Variants in PARD6G observed in about 807,000 individuals in gnomAD.
PARD6G encodes the protein partitioning defective 6 homolog gamma.
Under a neutral mutation model 10.7 loss-of-function variants are expected in PARD6G, and 7 were observed. The observed-to-expected ratio is 0.66, with a 90% CI of 0.37 to 1.23. PARD6G has a LOEUF of 1.23. PARD6G is among the 50% of genes most tolerant of loss of function. PARD6G has a pLI of 0.02. For missense variants in PARD6G, 548 were observed against 571.8 expected (o/e 0.96, Z 0.42); for synonymous variants, 287 against 269.4 (o/e 1.07, Z -0.64).
At chr18:80,179,197 G>T (rs569165385) in intron 2 of PARD6G, among the ~76,000 whole-genome samples, 141 of 151,630 alleles carry the variant, frequency 9.3e-4, no homozygotes, top group African/African-American at 3.3e-3. Context: ...ACCTTCACAG[G>T]AAGGGCCTGA....
chr18:80,177,858 C>A (rs1481476206), intron 2 of PARD6G, among the ~76,000 whole-genome samples: 1 of 151,128 alleles, frequency 6.6e-6, no homozygotes, highest in Non-Finnish European at 1.5e-5. Context: ...ACGGGAAGCA[C>A]ACACATGTGC....
Position 80,182,062 on chromosome 18 carries a change from C to G in PARD6G, c.295+20648G>C, listed in dbSNP as rs181419005. Among the ~76,000 whole-genome samples, 423 of 152,324 alleles carry G rather than the reference C, an allele frequency of 2.8e-3. 2 individuals are homozygous for G. Among genetic ancestry groups the G allele is most frequent in the South Asian group, 5.4e-3 (26 of 4,830 alleles). On this transcript the variant is annotated intron_variant, in intron 2 of 2. Transcript: ENST00000353265. The surrounding 1 kb of genome is among the most constrained non-coding windows in gnomAD (Gnocchi z 4.5). The stretch of plus-strand genomic sequence containing the variant: ...GAAACTGAGGCAGAAAGCAGGGAAG[C>G]AACACAGCTGGGTAGGGCCCAGCAG...
Position 80,231,040 on chromosome 18 carries a change from C to A in PARD6G, c.72+16237G>T, listed in dbSNP as rs1173783227. Reference sequence around the variant, plus strand: ...AGCTACAGTGATGGGAGAGAGAATTCCAAATGGAAGGTCAGGGACAAGGGG... The same window carrying A: ...AGCTACAGTGATGGGAGAGAGAATTACAAATGGAAGGTCAGGGACAAGGGG... On this transcript the variant is annotated intron_variant, in intron 1 of 2. Transcript: ENST00000353265. The surrounding 1 kb of genome is among the most constrained non-coding windows in gnomAD (Gnocchi z 4.2). Among the ~76,000 whole-genome samples the A allele has an allele frequency of 6.6e-6, 1 of 152,110 alleles. No individual in the cohort carries two copies. Among genetic ancestry groups the A allele is most frequent in the Non-Finnish European group, 1.5e-5 (1 of 68,024 alleles).
chr18:80,199,239 T>C (rs1053420148), intron 2 of PARD6G, among the ~76,000 whole-genome samples: 3 of 152,356 alleles, frequency 2.0e-5, no homozygotes, highest in African/African-American at 2.4e-5. Context: ...CCTTGAATAA[T>C]GAGAATCAAC....
At chr18:80,199,305 A>G (rs1255422925) in intron 2 of PARD6G, among the ~76,000 whole-genome samples, 1 of 152,136 alleles carries the variant, frequency 6.6e-6, no homozygotes, top group Non-Finnish European at 1.5e-5. Flanking sequence ...CTCACTCTTA[A>G]ACATACGGTT....
chr18:80,237,787 C>T (rs1292795676), intron 1 of PARD6G, among the ~76,000 whole-genome samples: 1 of 152,096 alleles, frequency 6.6e-6, no homozygotes, highest in Non-Finnish European at 1.5e-5. Context: ...CAAATCAAAA[C>T]CACAATGAGA....
At chr18:80,203,037 C>T in intron 1 of PARD6G, 105 bp from the exon 2 acceptor site, 1 of 729,530 alleles carries the variant, frequency 1.4e-6, no homozygotes, top group Non-Finnish European at 2.4e-6. Flanking sequence ...TATTTACATT[C>T]CACATTTTCT....
intron 1 of PARD6G, among the ~76,000 whole-genome samples, chr18:80,219,717 C>T (rs1967209373): frequency 1.3e-5 from 2 of 152,166 alleles, no homozygotes; most frequent in Non-Finnish European, 2.9e-5. Flanking sequence ...CAGTTCCCAA[C>T]AAGTTCCTAA....
chr18:80,247,132 C>A lies in PARD6G; in HGVS notation c.72+145G>T, dbSNP rs1967561448. ...ACGGCCGGGGTCCCCAGTGCGCGTC[C>A]CGCGGAGCGGCGCGCGGCGCCCGAA... On this transcript the variant is annotated intron_variant, in intron 1 of 2. Coordinates refer to ENST00000353265, the MANE Select transcript of PARD6G (RefSeq NM_032510.4). The surrounding 1 kb of genome is among the most constrained non-coding windows in gnomAD (Gnocchi z 4.2). The A allele has an allele frequency of 7.6e-6, 4 of 524,396 alleles. No individual in the cohort carries two copies. The highest frequency in any genetic ancestry group is 4.4e-5 in the Admixed American group (1 of 22,494). The allele number at this position is 524,396 out of a possible 1,614,324, so 32.5% of individuals were successfully genotyped here.
At chr18:80,227,058 C>T (rs1967300281) in intron 1 of PARD6G, among the ~76,000 whole-genome samples, 1 of 152,148 alleles carries the variant, frequency 6.6e-6, no homozygotes, top group Admixed American at 6.5e-5. Flanking sequence ...CAGGCTCTAG[C>T]AATCCTCCCA....
chr18:80,228,049 T>C lies in PARD6G; in HGVS notation c.72+19228A>G, dbSNP rs968397186. Among the ~76,000 whole-genome samples the C allele has an allele frequency of 6.6e-6, 1 of 152,148 alleles. No individual in the cohort carries two copies. On this transcript the variant is annotated intron_variant, in intron 1 of 2. Transcript: ENST00000353265. This position sits in a 1 kb window ranked among gnomAD's most constrained non-coding sequence, Gnocchi z 4.6. Reference sequence around the variant, plus strand: ...TGGGCTGAACGGTGAAAGAAAAATATGGTCTCCATTTTATCCCCAAGAGAG... The same window carrying C: ...TGGGCTGAACGGTGAAAGAAAAATACGGTCTCCATTTTATCCCCAAGAGAG...
Position 80,183,280 on chromosome 18 carries a change from G to C in PARD6G, c.295+19430C>G. ...AAGAGCAAAGCCGCATACAGGCATA[G>C]TGGAAAAGTACGCTGACCTTCTCAG... On this transcript the variant is annotated intron_variant, in intron 2 of 2. Transcript: ENST00000353265. The surrounding 1 kb of genome is among the most constrained non-coding windows in gnomAD (Gnocchi z 4.5). 1.5e-6 allele frequency: 1 copy of C among 668,544 alleles called. No homozygotes were observed. Among genetic ancestry groups the C allele is most frequent in the Non-Finnish European group, 2.7e-6 (1 of 366,698 alleles). The allele number at this position is 668,544 out of a possible 1,614,324, so 41.4% of individuals were successfully genotyped here. A position where few individuals can be genotyped will look rare whatever the true frequency, so the allele number is the denominator to read the frequency against.
intron 1 of PARD6G, among the ~76,000 whole-genome samples, chr18:80,210,724 T>C (rs1967098977): frequency 6.6e-6 from 1 of 152,250 alleles, no homozygotes; most frequent in African/African-American, 2.4e-5. Context: ...AGGGAACGAC[T>C]AATTATAAAC....
intron 1 of PARD6G, among the ~76,000 whole-genome samples, chr18:80,204,134 C>T (rs1967034325): frequency 6.6e-6 from 1 of 152,190 alleles, no homozygotes; most frequent in African/African-American, 2.4e-5. Flanking sequence ...TGTCATTCCT[C>T]ACTCGGCAAT....
intron 1 of PARD6G, among the ~76,000 whole-genome samples, chr18:80,204,226 T>C (rs1052951223): frequency 1.3e-5 from 2 of 152,198 alleles, no homozygotes; most frequent in African/African-American, 4.8e-5. Context: ...AATAAAGTAA[T>C]GTTTATGGAA....
intron 2 of PARD6G, among the ~76,000 whole-genome samples, chr18:80,199,786 G>C (rs1276422938): frequency 6.6e-6 from 1 of 152,140 alleles, no homozygotes; most frequent in Non-Finnish European, 1.5e-5. Flanking sequence ...TGGGACTACA[G>C]GCACATGCCA....
intron 2 of PARD6G, among the ~76,000 whole-genome samples, chr18:80,177,262 C>G (rs72980314): frequency 0.021 from 2,180 of 104,638 alleles, 26 homozygotes; most frequent in Middle Eastern, 0.034. Flanking sequence ...AATCACAGCC[C>G]AAATGGGAAG....
chr18:80,221,739 G>A (rs558083327), intron 1 of PARD6G, among the ~76,000 whole-genome samples: 13 of 152,296 alleles, frequency 8.5e-5, no homozygotes, highest in African/African-American at 2.4e-4. Context: ...GATTGGAATG[G>A]AAGAAGTTAA....
At chr18:80,203,644 G>A (rs1034259722) in intron 1 of PARD6G, among the ~76,000 whole-genome samples, 23 of 152,198 alleles carry the variant, frequency 1.5e-4, no homozygotes, top group Admixed American at 9.2e-4. Flanking sequence ...TGTGGTTGCT[G>A]AAGGGACATC....
Sources: gnomAD v4.1 joint callset for allele counts (sites outside exome capture counted in the v4.1 genomes callset) on GRCh38, gnomAD v4.1.1 for gene constraint, Gnocchi (gnomAD v3.1) non-coding constraint, MANE v1.5 for transcripts, NCBI Gene and HGNC (gene_info 2026-07-23, HGNC 2026-07-21) for gene names.